Variants in DNAH2 observed in about 807,000 individuals in gnomAD.
The protein encoded by DNAH2 is dynein axonemal heavy chain 2, also known as axonemal beta dynein heavy chain 2.
DNAH2 carries 323 observed loss-of-function variants against 523.5 expected under a neutral mutation model. That is an observed-to-expected ratio of 0.62 (90% CI 0.56 to 0.68). The LOEUF (loss-of-function observed/expected upper bound fraction) is 0.68. DNAH2 is among the 30% of genes least tolerant of loss of function. DNAH2 has a pLI of 0.00. For synonymous variants in DNAH2, 2,093 were observed against 2,177.4 expected (o/e 0.96, Z 1.08); for missense variants, 4,907 against 5,701.5 (o/e 0.86, Z 4.49).
In DNAH2 at chr17:7,826,460, G is replaced by A. The variant is rs553554614; in HGVS notation, c.11853+1733G>A. Among the ~76,000 whole-genome samples the A allele has an allele frequency of 4.0e-5, 6 of 151,638 alleles. No homozygotes were observed. The South Asian group carries it at 1.2e-3, about 32-fold the overall frequency. ...TTTAAAAAAGCTAGATATTAAGTAG[G>A]TACAAAAGAAGATTTATAAAATATA... On this transcript the variant is annotated intron_variant, in intron 77 of 85. Coordinates refer to ENST00000572933, the MANE Select transcript of DNAH2 (RefSeq NM_020877.5).
intron 74 of DNAH2, 59 bp downstream of exon 74, chr17:7,823,687 C>T (rs1484858513): frequency 3.3e-5 from 52 of 1,591,534 alleles, no homozygotes; most frequent in South Asian, 6.9e-5. Flanking sequence ...AGCCACATGC[C>T]GGCCCTTCCC....
rs2076573715 is a variant in DNAH2 at position 7,780,494 on chromosome 17, C to T, written c.5851-136C>T. 1.4e-6 allele frequency: 2 copies of T among 1,416,190 alleles called. No individual in the cohort carries two copies. Among genetic ancestry groups the T allele is most frequent in the Non-Finnish European group, 1.9e-6 (2 of 1,035,258 alleles). The allele number at this position is 1,416,190 out of a possible 1,614,324, so 87.7% of individuals were successfully genotyped here. ...GACAATGGCGTCATTCACACAATTT[C>T]CTCAGGAGAATCCATAGAGTGCCTC... On this transcript the variant is annotated intron_variant, in intron 37 of 85. Coordinates refer to ENST00000572933, the MANE Select transcript of DNAH2 (RefSeq NM_020877.5). This position sits in a 1 kb window ranked among gnomAD's most constrained non-coding sequence, Gnocchi z 4.4.
chr17:7,749,180 C>T (rs562097784), intron 12 of DNAH2, among the ~76,000 whole-genome samples: 7 of 150,618 alleles, frequency 4.6e-5, no homozygotes, highest in African/African-American at 1.5e-4. Flanking sequence ...TGGTGGCAAG[C>T]GTCTGTAATC....
At position 7,788,128 on chromosome 17, in the gene DNAH2, A is replaced by G; in HGVS notation, c.6784A>G (p.Asn2262Asp). 1 of 1,614,232 alleles carries G rather than the reference A, an allele frequency of 6.2e-7. No homozygotes were observed. The highest frequency in any genetic ancestry group is 8.5e-7 in the Non-Finnish European group (1 of 1,180,036). ...TCAACGCATGTTCGAAAAGCTCATCAACAAGATGCTGGCCTTTAAGAAGGA... is the reference window on the plus strand; with the variant it reads ...TCAACGCATGTTCGAAAAGCTCATCGACAAGATGCTGGCCTTTAAGAAGGA... Reference protein sequence around the residue: ...PLQRMFEKLINKMLAFKKDNC... With the variant: ...PLQRMFEKLIDKMLAFKKDNC... Residue 2262 changes from asparagine to aspartate, a missense_variant, in exon 44 of 86, where the codon AAC (asparagine) becomes GAC (aspartate). This residue lies in a region of DNAH2 where 2,806 missense variants were observed against 3,190.8 expected (regional missense o/e 0.88). Transcript: ENST00000572933.
At position 7,743,195 on chromosome 17, in the gene DNAH2, C is replaced by T. The variant is rs575384240; in HGVS notation, c.1904+53C>T. The T allele has an allele frequency of 9.1e-5, 142 of 1,564,728 alleles. No homozygotes were observed. In the African/African-American group the frequency reaches 1.8e-3, roughly 20 times the overall value. On this transcript the variant is annotated intron_variant, in intron 12 of 85. Transcript: ENST00000572933. The stretch of plus-strand genomic sequence containing the variant: ...CTATACTCCCCTTCTGCAGCTCTCC[C>T]AAGAATTTCACTCCCATCTTTTGAC...
At position 7,830,655 on chromosome 17, in the gene DNAH2, T is replaced by C. The variant is rs776932569; in HGVS notation, c.12046-3T>C. The C allele has an allele frequency of 1.2e-6, 2 of 1,614,162 alleles. No individual in the cohort carries two copies. The highest frequency in any genetic ancestry group is 1.7e-6 in the Non-Finnish European group (2 of 1,179,988). ...TGGGGGCTTGGGCTGGGATCATGCCTAGGTGTCAGAAAACTTGCTGAGCCT... is the reference window on the plus strand; with the variant it reads ...TGGGGGCTTGGGCTGGGATCATGCCCAGGTGTCAGAAAACTTGCTGAGCCT... On this transcript the variant is annotated splice_polypyrimidine_tract_variant and splice_region_variant and intron_variant, in intron 78 of 85. Transcript: ENST00000572933.
intron 48 of DNAH2, 83 bp downstream of exon 48, chr17:7,793,288 ATGGTCCT>A: frequency 7.1e-7 from 1 of 1,414,138 alleles, no homozygotes; most frequent in Admixed American, 2.0e-5. Flanking sequence ...GCCCCAGGCT[ATGGTCCT>A]GTCATCTTGG....
chr17:7,771,256 A>G (rs149076886), intron 27 of DNAH2, 74 bp from the exon 28 acceptor site: 1 of 1,592,232 alleles, frequency 6.3e-7, no homozygotes, highest in Admixed American at 1.7e-5. Flanking sequence ...TGTCACCCAC[A>G]ATCTGGGAAC....
intron 32 of DNAH2, 131 bp downstream of exon 32, chr17:7,777,020 C>A (rs2076473130): frequency 1.5e-6 from 1 of 686,636 alleles, no homozygotes; most frequent in Admixed American, 2.5e-5. Context: ...CCCTTCTTTA[C>A]CAAAAAATAC....
Position 7,759,035 on chromosome 17 carries a change from G to C in DNAH2, c.2359G>C (p.Ala787Pro). 1 of 1,614,208 alleles carries C rather than the reference G, an allele frequency of 6.2e-7. No homozygotes were observed. Among genetic ancestry groups the C allele is most frequent in the South Asian group, 1.1e-5 (1 of 91,088 alleles). Residue 787 changes from alanine to proline, a missense_variant, in exon 15 of 86, where the codon GCT (alanine) becomes CCT (proline). Physicochemically the swap from Ala to Pro is conservative, Grantham distance 27. This residue lies in a region of DNAH2 where 2,806 missense variants were observed against 3,190.8 expected (regional missense o/e 0.88). Transcript: ENST00000572933. ...AGAGGACCAAAGAGAGCATCGGGCA[G>C]CTGTACAGCAGAAATTGATGAACCT... ...FEEDQREHRAAVQQKLMNLHQ... is the reference protein window; with the variant it reads ...FEEDQREHRAPVQQKLMNLHQ...
Position 7,832,536 on chromosome 17 carries a change from A to C in DNAH2, c.12727-43A>C, listed in dbSNP as rs1371207458. The stretch of plus-strand genomic sequence containing the variant: ...AAATAAATAAATAATACGGATTTGA[A>C]TGCACGGCTAAATGAGTGAATACAC... On this transcript the variant is annotated intron_variant, in intron 82 of 85. Transcript: ENST00000572933. This position sits in a 1 kb window ranked among gnomAD's most constrained non-coding sequence, Gnocchi z 4.3. 1 of 1,594,984 alleles carries C rather than the reference A, an allele frequency of 6.3e-7. No individual in the cohort carries two copies.
Position 7,831,178 on chromosome 17 carries a change from CT to C in DNAH2, c.12324del (p.Glu4109ArgfsTer53). 2 of 1,614,016 alleles carry C rather than the reference CT, an allele frequency of 1.2e-6. No individual in the cohort carries two copies. The highest frequency in any genetic ancestry group is 4.5e-5 in the East Asian group (2 of 44,888). ...AGCTTATTGCCTGGCATGGACCCCC[CT>C]GAGGCCTTTGGCCAGCACCCCAATG... ...YISLLPGMDP[P>X]EAFGQHPNAD... On this transcript the variant is annotated frameshift_variant, in exon 80 of 86. Coordinates refer to ENST00000572933, the MANE Select transcript of DNAH2 (RefSeq NM_020877.5). LOFTEE classifies it high-confidence loss of function. This position sits in a 1 kb window ranked among gnomAD's most constrained non-coding sequence, Gnocchi z 4.2.
Position 7,823,474 on chromosome 17 carries a change from A to G in DNAH2, c.11175A>G (p.Pro3725=), listed in dbSNP as rs760637893. ...VLDREGQMDN[P]CSSWLADAYW... ...ATCGGGAGGGCCAAATGGACAATCC[A>G]TGTAGTAGCTGGCTTGCAGATGCCT... is the stretch of plus-strand genomic sequence containing the variant. The change falls in exon 74 of 86, where the codon CCA becomes CCG. Residue 3725 remains proline, a synonymous_variant. Coordinates refer to ENST00000572933, the MANE Select transcript of DNAH2 (RefSeq NM_020877.5). 43 of 1,614,066 alleles carry G rather than the reference A, an allele frequency of 2.7e-5. No homozygotes were observed. The highest frequency in any genetic ancestry group is 2.2e-4 in the East Asian group (10 of 44,882).
Position 7,774,905 on chromosome 17 carries a change from C to G in DNAH2, c.4648C>G (p.Arg1550Gly), listed in dbSNP as rs552834737. 21 of 1,614,170 alleles carry G rather than the reference C, an allele frequency of 1.3e-5. No individual in the cohort carries two copies. The South Asian group carries it at 2.3e-4, about 18-fold the overall frequency. Residue 1550 changes from arginine to glycine, a missense_variant, in exon 29 of 86, where the codon CGA (arginine) becomes GGA (glycine). Physicochemically the swap from Arg to Gly is moderately radical, Grantham distance 125. This residue lies in a region of DNAH2 where 2,806 missense variants were observed against 3,190.8 expected (regional missense o/e 0.88). Coordinates refer to ENST00000572933, the MANE Select transcript of DNAH2 (RefSeq NM_020877.5). ...DDLLEILGQS[R>G]NPEAVQPHLK... ...CCTGCTGGAGATTCTGGGCCAGTCCCGAAACCCAGAGGCTGTGCAGCCACA... is the reference window on the plus strand; with the variant it reads ...CCTGCTGGAGATTCTGGGCCAGTCCGGAAACCCAGAGGCTGTGCAGCCACA...
rs563941608 is a variant in DNAH2, at chr17:7,787,597, G to A, written c.6604-263G>A. The A allele has an allele frequency of 1.1e-5, 4 of 373,402 alleles. No individual in the cohort carries two copies. The South Asian group carries it at 1.5e-4, about 14-fold the overall frequency. The allele number at this position is 373,402 out of a possible 1,614,324, so 23.1% of individuals were successfully genotyped here. ...TAAAAAATACAAAAGTTAGCTGGGT[G>A]TGGTGTTGTGCACCTGTAGTCCCAG... is the stretch of plus-strand genomic sequence containing the variant. On this transcript the variant is annotated intron_variant, in intron 42 of 85. Transcript: ENST00000572933.
chr17:7,831,628 C>T lies in DNAH2; in HGVS notation c.12612-33C>T. 1 of 1,613,316 alleles carries T rather than the reference C, an allele frequency of 6.2e-7. No individual in the cohort carries two copies. The highest frequency in any genetic ancestry group is 1.7e-5 in the Admixed American group (1 of 60,000). The stretch of plus-strand genomic sequence containing the variant: ...GCTAGAATGACGTTCCCAGGCCCAC[C>T]TCATCTCTAACACTCCACCTCATCC... On this transcript the variant is annotated intron_variant, in intron 81 of 85. Coordinates refer to ENST00000572933, the MANE Select transcript of DNAH2 (RefSeq NM_020877.5). This position sits in a 1 kb window ranked among gnomAD's most constrained non-coding sequence, Gnocchi z 4.2.
At chr17:7,764,351 G>A (rs2076093641) in intron 20 of DNAH2, 78 bp downstream of exon 20, 4 of 1,521,556 alleles carry the variant, frequency 2.6e-6, no homozygotes, top group African/African-American at 1.4e-5. Context: ...GCTGTCCTCG[G>A]GGAGAGTAGA....
Position 7,797,287 on chromosome 17 carries a change from C to T in DNAH2, c.7949+26C>T, listed in dbSNP as rs374781485. On this transcript the variant is annotated intron_variant, in intron 51 of 85. Coordinates refer to ENST00000572933, the MANE Select transcript of DNAH2 (RefSeq NM_020877.5). ...GTGACATGCATGTGCCCTGGCCAAACGAAGGCTTCCTCAGCCTTGCTCCCA... is the reference window on the plus strand; with the variant it reads ...GTGACATGCATGTGCCCTGGCCAAATGAAGGCTTCCTCAGCCTTGCTCCCA... The T allele has an allele frequency of 7.4e-5, 119 of 1,613,816 alleles. No individual in the cohort carries two copies. In the African/African-American group the frequency reaches 1.2e-3, roughly 16 times the overall value.
rs891942928 is a variant in DNAH2 at position 7,832,509 on chromosome 17, C to CTAAA, written c.12727-58_12727-55dup. ...GGGGGACAAGAGCAAAACTCTGTCT[C>CTAAA]TAAATAAATAAATAATACGGATTTG... is the stretch of plus-strand genomic sequence containing the variant. On this transcript the variant is annotated intron_variant, in intron 82 of 85. Coordinates refer to ENST00000572933, the MANE Select transcript of DNAH2 (RefSeq NM_020877.5). The surrounding 1 kb of genome is among the most constrained non-coding windows in gnomAD (Gnocchi z 4.3). 1.9e-6 allele frequency: 3 copies of CTAAA among 1,556,242 alleles called. No individual in the cohort carries two copies. Among genetic ancestry groups the CTAAA allele is most frequent in the Admixed American group, 1.8e-5 (1 of 55,618 alleles).
Sources: gnomAD v4.1 joint callset for allele counts (sites outside exome capture counted in the v4.1 genomes callset) on GRCh38, gnomAD v4.1.1 for gene constraint, gnomAD v4.1.1 regional missense constraint, Gnocchi (gnomAD v3.1) non-coding constraint, MANE v1.5 for transcripts, NCBI Gene and HGNC (gene_info 2026-07-23, HGNC 2026-07-21) for gene names.